HORMAD1: variants seen among roughly 807,000 people sequenced by gnomAD.
The protein encoded by HORMAD1 is HORMA domain containing 1, also known as HORMA domain-containing protein 1.
Under a neutral mutation model 58.2 loss-of-function variants are expected in HORMAD1, and 33 were observed. That is an observed-to-expected ratio of 0.57 (90% CI 0.43 to 0.76). The LOEUF (loss-of-function observed/expected upper bound fraction) is 0.76. HORMAD1 is among the 30% of genes least tolerant of loss of function. The pLI is 0.00. For missense variants in HORMAD1, 363 were observed against 462.0 expected, an observed-to-expected ratio of 0.79 and a Z score of 1.96; for synonymous variants, 137 against 144.6, an observed-to-expected ratio of 0.95 and a Z score of 0.38.
At chr1:150,709,281 T>G (rs1651787561) in intron 7 of HORMAD1, among the ~76,000 whole-genome samples, 1 of 152,198 alleles carries the variant, frequency 6.6e-6, no homozygotes, top group Non-Finnish European at 1.5e-5. Context: ...GTACTTTAAA[T>G]AATTGCTTTG....
chr1:150,712,148 T>TATTGTGAA (rs1473680744), intron 5 of HORMAD1, among the ~76,000 whole-genome samples: 1 of 152,044 alleles, frequency 6.6e-6, no homozygotes, highest in African/African-American at 2.4e-5. Context: ...AAAATATATA[T>TATTGTGAA]ATTGTGAAAT....
intron 9 of HORMAD1, among the ~76,000 whole-genome samples, chr1:150,707,988 C>T (rs587648897): frequency 1.8e-4 from 27 of 152,128 alleles, no homozygotes; most frequent in African/African-American, 5.5e-4. Context: ...TGGATTAACA[C>T]GTTTTACCAA....
At chr1:150,719,363 T>C in intron 2 of HORMAD1, 110 bp downstream of exon 2, 1 of 691,830 alleles carries the variant, frequency 1.4e-6, no homozygotes, top group Non-Finnish European at 2.5e-6. Flanking sequence ...TTTCCTGGTA[T>C]CATAAAACCC....
At chr1:150,701,237 C>T (rs190295422) in intron 13 of HORMAD1, among the ~76,000 whole-genome samples, 28 of 152,158 alleles carry the variant, frequency 1.8e-4, no homozygotes, top group African/African-American at 6.5e-4. Context: ...TGGTCTCTAT[C>T]CCTATATCCT....
At chr1:150,714,253 T>C (rs373315486) in intron 4 of HORMAD1, 132 bp from the exon 5 acceptor site, 1 of 567,966 alleles carries the variant, frequency 1.8e-6, no homozygotes. Context: ...TCTTATTAAC[T>C]AGCTTAAAAC....
intron 9 of HORMAD1, among the ~76,000 whole-genome samples, chr1:150,707,929 C>G (rs1651749117): frequency 6.6e-6 from 1 of 152,068 alleles, no homozygotes; most frequent in Non-Finnish European, 1.5e-5. Context: ...GAGCAAGACT[C>G]TGTCTCAAAC....
chr1:150,720,228 C>T (rs587623787), intron 1 of HORMAD1, among the ~76,000 whole-genome samples: 3 of 152,142 alleles, frequency 2.0e-5, no homozygotes, highest in Non-Finnish European at 2.9e-5. Flanking sequence ...CGTGCCACCA[C>T]GCCCAGCTAA....
At chr1:150,703,096 C>T (rs1308213334) in intron 13 of HORMAD1, among the ~76,000 whole-genome samples, 2 of 152,118 alleles carry the variant, frequency 1.3e-5, no homozygotes, top group Admixed American at 1.3e-4. Context: ...TATAATGGCT[C>T]TGTATCATTG....
In HORMAD1 at chr1:150,714,078, G is replaced by T; in HGVS notation, c.279+7C>A. 6.6e-7 allele frequency: 1 copy of T among 1,504,182 alleles called. No homozygotes were observed. The highest frequency in any genetic ancestry group is 9.1e-7 in the Non-Finnish European group (1 of 1,092,928). The allele number at this position is 1,504,182 out of a possible 1,614,324, so 93.2% of individuals were successfully genotyped here. A position where few individuals can be genotyped will look rare whatever the true frequency, so the allele number is the denominator to read the frequency against. On this transcript the variant is annotated splice_region_variant and intron_variant, in intron 5 of 14. Transcript: ENST00000361824. ...AAAAAAAAGGATAAAGAGATTGCAAGACTTACATATTTTTTCTGTAAAGCA... is the reference window on the plus strand; with the variant it reads ...AAAAAAAAGGATAAAGAGATTGCAATACTTACATATTTTTTCTGTAAAGCA...
At chr1:150,707,488 T>G (rs1328315763) in intron 9 of HORMAD1, among the ~76,000 whole-genome samples, 1 of 152,252 alleles carries the variant, frequency 6.6e-6, no homozygotes, top group Non-Finnish European at 1.5e-5. Context: ...ATCAAAATCC[T>G]TATATAACTT....
At chr1:150,710,907 C>T (rs1651856772) in intron 7 of HORMAD1, among the ~76,000 whole-genome samples, 1 of 152,176 alleles carries the variant, frequency 6.6e-6, no homozygotes. Context: ...CTGGTTCTGC[C>T]ACTTCAGCCA....
chr1:150,711,710 C>T lies in HORMAD1; in HGVS notation c.300+123G>A. 4.3e-6 allele frequency: 4 copies of T among 937,048 alleles called. No individual in the cohort carries two copies. The Admixed American group carries it at 8.1e-5, about 19-fold the overall frequency. The allele number at this position is 937,048 out of a possible 1,614,324, so 58.0% of individuals were successfully genotyped here. Reference sequence around the variant, plus strand: ...CACCCAAAATATTACTTTTTCATTCCATTGAATAGATCAGTTATTTGAATA... The same window carrying T: ...CACCCAAAATATTACTTTTTCATTCTATTGAATAGATCAGTTATTTGAATA... On this transcript the variant is annotated intron_variant, in intron 6 of 14. Coordinates refer to ENST00000361824, the MANE Select transcript of HORMAD1 (RefSeq NM_032132.5).
At chr1:150,699,749 GTCTCGA>G (rs946334766) in intron 14 of HORMAD1, among the ~76,000 whole-genome samples, 5 of 151,358 alleles carry the variant, frequency 3.3e-5, no homozygotes, top group Non-Finnish European at 5.9e-5. Flanking sequence ...GGCCAGGAGG[GTCTCGA>G]TCTCTTGACC....
rs780325588 is a variant in HORMAD1 at position 150,719,536 on chromosome 1, A to C, written c.-31T>G. ...TCTGATAAAGTATTTTCTTTAATTC[A>C]ACCTTGTGACACAAATACAAGCTTT... On this transcript the variant is annotated splice_region_variant and 5_prime_UTR_variant, in exon 2 of 15. Coordinates refer to ENST00000361824, the MANE Select transcript of HORMAD1 (RefSeq NM_032132.5). 3.4e-5 allele frequency: 53 copies of C among 1,537,580 alleles called. No homozygotes were observed. The highest frequency in any genetic ancestry group is 4.6e-5 in the Non-Finnish European group (52 of 1,129,764).
chr1:150,716,760 G>C (rs61817599), intron 3 of HORMAD1, among the ~76,000 whole-genome samples: 11,220 of 150,860 alleles, frequency 0.074, 585 homozygotes, highest in East Asian at 0.19. Context: ...TGAGGAAATC[G>C]AGACCATCCT....
rs773221689 is a variant in HORMAD1, at chr1:150,704,142, T to C, written c.924A>G (p.Pro308=). 13 of 1,593,530 alleles carry C rather than the reference T, an allele frequency of 8.2e-6. No homozygotes were observed. Among genetic ancestry groups the C allele is most frequent in the Middle Eastern group, 3.3e-4 (2 of 5,988 alleles). The change falls in exon 12 of 15, where the codon CCA becomes CCG. Residue 308 remains proline, a synonymous_variant. Coordinates refer to ENST00000361824, the MANE Select transcript of HORMAD1 (RefSeq NM_032132.5). ...EDEIMRSKES[P]DLSISHSQVE... ...CCTGAGAATGAGAAATAGAAAGATCTGGACTTTCTTTAGACCTCATAATTT... is the reference window on the plus strand; with the variant it reads ...CCTGAGAATGAGAAATAGAAAGATCCGGACTTTCTTTAGACCTCATAATTT...
At chr1:150,705,866 A>AC (rs1651677148) in intron 10 of HORMAD1, among the ~76,000 whole-genome samples, 2 of 152,236 alleles carry the variant, frequency 1.3e-5, no homozygotes, top group Non-Finnish European at 2.9e-5. Flanking sequence ...CATAATTTAG[A>AC]ATAAATTGAG....
chr1:150,709,660 A>C (rs2101867389), intron 7 of HORMAD1, among the ~76,000 whole-genome samples: 1 of 152,076 alleles, frequency 6.6e-6, no homozygotes, highest in East Asian at 1.9e-4. Flanking sequence ...GAGGTGGATT[A>C]GTAAAAGAGG....
intron 9 of HORMAD1, among the ~76,000 whole-genome samples, chr1:150,708,050 T>C (rs1651752337): frequency 6.6e-6 from 1 of 152,248 alleles, no homozygotes; most frequent in Admixed American, 6.5e-5. Flanking sequence ...GAGGTTATAC[T>C]TCACATGGAT....
Sources: gnomAD v4.1 joint callset for allele counts (sites outside exome capture counted in the v4.1 genomes callset) on GRCh38, gnomAD v4.1.1 for gene constraint, MANE v1.5 for transcripts, NCBI Gene and HGNC (gene_info 2026-07-23, HGNC 2026-07-21) for gene names.